Variants in ACSL3 observed in about 807,000 individuals in gnomAD.
ACSL3 encodes acyl-CoA synthetase long chain family member 3, also known as fatty acid CoA ligase Acsl3.
A neutral mutation model predicts 84.7 loss-of-function variants in ACSL3; 34 were observed. The observed-to-expected ratio is 0.40, with a 90% CI of 0.31 to 0.53. The LOEUF (loss-of-function observed/expected upper bound fraction) is 0.53. Among genes scored for constraint, ACSL3 ranks in the 20% least tolerant of loss-of-function variants. ACSL3 has a pLI of 0.48. For missense variants in ACSL3, 680 were observed against 873.1 expected, an observed-to-expected ratio of 0.78 and a Z score of 2.79; for synonymous variants, 315 against 299.4, an observed-to-expected ratio of 1.05 and a Z score of -0.54.
Position 222,932,233 on chromosome 2 carries a change from C to A in ACSL3, c.1733-933C>A, listed in dbSNP as rs184340591. On this transcript the variant is annotated intron_variant, in intron 14 of 16. Transcript: ENST00000357430. Reference sequence around the variant, plus strand: ...CAGATGGCATTGAATATCTTCTTCACCTGCCTGGTACTAATGGATACCAGA... The same window carrying A: ...CAGATGGCATTGAATATCTTCTTCAACTGCCTGGTACTAATGGATACCAGA... Among the ~76,000 whole-genome samples, 10 of 152,368 alleles carry A rather than the reference C, an allele frequency of 6.6e-5. No individual in the cohort carries two copies. In the East Asian group the frequency reaches 1.2e-3, roughly 18 times the overall value.
chr2:222,883,864 T>G (rs1234712119), intron 1 of ACSL3, among the ~76,000 whole-genome samples: 1 of 152,216 alleles, frequency 6.6e-6, no homozygotes, highest in Admixed American at 6.5e-5. Context: ...GACACTTGTA[T>G]TGACTCCTTA....
At chr2:222,901,203 ACTTAC>A (rs1444453874) in intron 3 of ACSL3, among the ~76,000 whole-genome samples, 1 of 152,222 alleles carries the variant, frequency 6.6e-6, no homozygotes, top group African/African-American at 2.4e-5. Flanking sequence ...CTTGATTAAT[ACTTAC>A]CTTTAGGTTA....
rs185508833 is a variant in ACSL3 at position 222,932,566 on chromosome 2, T to C, written c.1733-600T>C. Among the ~76,000 whole-genome samples, 960 of 152,202 alleles carry C rather than the reference T, an allele frequency of 6.3e-3. 10 individuals are homozygous for C. Among genetic ancestry groups the C allele is most frequent in the African/African-American group, 0.022 (909 of 41,532 alleles). Reference sequence around the variant, plus strand: ...CTGGTCTCGAACTCCTGACCTCAAGTGATGTGCCCGCCTCGGCCTCCCGAA... The same window carrying C: ...CTGGTCTCGAACTCCTGACCTCAAGCGATGTGCCCGCCTCGGCCTCCCGAA... On this transcript the variant is annotated intron_variant, in intron 14 of 16. Coordinates refer to ENST00000357430, the MANE Select transcript of ACSL3 (RefSeq NM_004457.5).
At chr2:222,865,423 G>A (rs547342560) in intron 1 of ACSL3, among the ~76,000 whole-genome samples, 4 of 152,216 alleles carry the variant, frequency 2.6e-5, no homozygotes, top group Admixed American at 1.3e-4. Context: ...TTGTTATTAA[G>A]GATTCATTCA....
At chr2:222,862,356 C>T (rs1255184021) in intron 1 of ACSL3, among the ~76,000 whole-genome samples, 1 of 152,180 alleles carries the variant, frequency 6.6e-6, no homozygotes, top group African/African-American at 2.4e-5. Context: ...GCTCTGAAAT[C>T]TAAGCACTAT....
At chr2:222,918,722 A>G (rs534987018) in intron 6 of ACSL3, among the ~76,000 whole-genome samples, 1 of 150,412 alleles carries the variant, frequency 6.6e-6, no homozygotes. Flanking sequence ...TCCCCCATAT[A>G]TTTTTATGTA....
chr2:222,910,713 A>G (rs1034244423), intron 4 of ACSL3, among the ~76,000 whole-genome samples: 14 of 152,338 alleles, frequency 9.2e-5, no homozygotes, highest in Middle Eastern at 3.4e-3. Flanking sequence ...TAAATAGAGT[A>G]GTTGTGTATC....
At chr2:222,920,393 C>G (rs573450345) in intron 7 of ACSL3, among the ~76,000 whole-genome samples, 1 of 152,286 alleles carries the variant, frequency 6.6e-6, no homozygotes, top group South Asian at 2.1e-4. Context: ...CTTTGTTCTT[C>G]TGCTGTGCCA....
At chr2:222,900,480 T>C (rs1296005450) in intron 2 of ACSL3, among the ~76,000 whole-genome samples, 194 bp from the exon 3 acceptor site, 1 of 152,176 alleles carries the variant, frequency 6.6e-6, no homozygotes, top group Non-Finnish European at 1.5e-5. Context: ...ACAGTTTGTG[T>C]ATATTTGGAT....
At chr2:222,907,475 TGATGGCCG>T (rs1451880945) in intron 3 of ACSL3, among the ~76,000 whole-genome samples, 1 of 152,122 alleles carries the variant, frequency 6.6e-6, no homozygotes, top group Non-Finnish European at 1.5e-5. Flanking sequence ...TCTTCAAGAA[TGATGGCCG>T]GATGTGGTGG....
intron 4 of ACSL3, 43 bp downstream of exon 4, chr2:222,909,193 T>TA (rs769083769): frequency 1.6e-5 from 25 of 1,556,574 alleles, no homozygotes; most frequent in Non-Finnish European, 2.0e-5. Context: ...TCGAATAAAA[T>TA]ATCCTGTTAG....
chr2:222,939,095 C>T (rs1332387714), intron 16 of ACSL3, among the ~76,000 whole-genome samples: 1 of 151,638 alleles, frequency 6.6e-6, no homozygotes, highest in East Asian at 1.9e-4. Flanking sequence ...TTTGGTAATT[C>T]ATCTATTTCC....
chr2:222,870,145 G>A (rs181489280), intron 1 of ACSL3, among the ~76,000 whole-genome samples: 1 of 151,540 alleles, frequency 6.6e-6, no homozygotes, highest in Non-Finnish European at 1.5e-5. Flanking sequence ...TTGCTTTTGG[G>A]GGATGGAGAG....
At chr2:222,939,301 C>T (rs1697245918) in intron 16 of ACSL3, among the ~76,000 whole-genome samples, 1 of 152,110 alleles carries the variant, frequency 6.6e-6, no homozygotes, top group Non-Finnish European at 1.5e-5. Flanking sequence ...TAGAGCCAGC[C>T]ATCTTAAGCC....
chr2:222,928,565 G>C (rs1274876427), intron 12 of ACSL3, among the ~76,000 whole-genome samples: 1 of 151,520 alleles, frequency 6.6e-6, no homozygotes, highest in Non-Finnish European at 1.5e-5. Flanking sequence ...CAGTTCTGCT[G>C]TACCTGAAAT....
Position 222,916,296 on chromosome 2 carries a change from AAAAT to A in ACSL3, c.379-22_379-19del. 1.4e-6 allele frequency: 2 copies of A among 1,416,646 alleles called. No homozygotes were observed. The highest frequency in any genetic ancestry group is 1.9e-6 in the Non-Finnish European group (2 of 1,074,488). The allele number at this position is 1,416,646 out of a possible 1,614,324, so 87.8% of individuals were successfully genotyped here. A position where few individuals can be genotyped will look rare whatever the true frequency, so the allele number is the denominator to read the frequency against. ...AAATTATTATTTTGATTACATTAAA[AAAAT>A]TTTTTTTTGTTTTATCAGGTTATTC... On this transcript the variant is annotated intron_variant, in intron 4 of 16. Coordinates refer to ENST00000357430, the MANE Select transcript of ACSL3 (RefSeq NM_004457.5).
At chr2:222,895,097 A>C (rs1695940936) in intron 2 of ACSL3, among the ~76,000 whole-genome samples, 1 of 152,142 alleles carries the variant, frequency 6.6e-6, no homozygotes, top group South Asian at 2.1e-4. Flanking sequence ...CTGTGGTCTT[A>C]TTATTTCATA....
chr2:222,872,518 C>T (rs970287528), intron 1 of ACSL3, among the ~76,000 whole-genome samples: 1 of 152,154 alleles, frequency 6.6e-6, no homozygotes, highest in Non-Finnish European at 1.5e-5. Flanking sequence ...GTTTGTCTAT[C>T]GGTGTGATGG....
intron 2 of ACSL3, among the ~76,000 whole-genome samples, chr2:222,891,133 A>G (rs949249724): frequency 2.0e-5 from 3 of 152,212 alleles, no homozygotes; most frequent in African/African-American, 7.2e-5. Context: ...AAGTAATCCA[A>G]TAGTTCATGT....
Sources: gnomAD v4.1 joint callset for allele counts (sites outside exome capture counted in the v4.1 genomes callset) on GRCh38, gnomAD v4.1.1 for gene constraint, MANE v1.5 for transcripts, NCBI Gene and HGNC (gene_info 2026-07-23, HGNC 2026-07-21) for gene names.